Variants in USP28 observed in about 807,000 individuals in gnomAD.
USP28 encodes ubiquitin specific peptidase 28.
A neutral mutation model predicts 145.0 loss-of-function variants in USP28; 113 were observed. That is an observed-to-expected ratio of 0.78 (90% CI 0.67 to 0.91). The LOEUF (loss-of-function observed/expected upper bound fraction) is 0.91. USP28 is among the 40% of genes least tolerant of loss of function. The probability of loss-of-function intolerance (pLI) is 0.00; values close to 1 mark genes in which losing one functional copy is unlikely to be tolerated. For synonymous variants in USP28, 447 were observed against 450.9 expected (o/e 0.99, Z 0.11); for missense variants, 1,201 against 1,289.6 (o/e 0.93, Z 1.05).
At chr11:113,848,378 T>A (rs148723994) in intron 3 of USP28, among the ~76,000 whole-genome samples, 1 of 152,228 alleles carries the variant, frequency 6.6e-6, no homozygotes, top group African/African-American at 2.4e-5. Flanking sequence ...GGGGCAATGT[T>A]GAGGCAGGTT....
At chr11:113,828,357 G>T (rs780567594) in intron 10 of USP28, among the ~76,000 whole-genome samples, 56 of 152,214 alleles carry the variant, frequency 3.7e-4, no homozygotes, top group Non-Finnish European at 7.5e-4. Context: ...GGATGCACCA[G>T]GTTTGCACAG....
intron 1 of USP28, among the ~76,000 whole-genome samples, chr11:113,858,136 G>C (rs1947267808): frequency 6.6e-6 from 1 of 152,154 alleles, no homozygotes; most frequent in Non-Finnish European, 1.5e-5. Context: ...AAAGTACTGG[G>C]GTTACAGGCG....
chr11:113,823,566 T>C (rs774829557), intron 12 of USP28, 39 bp downstream of exon 12: 2 of 1,372,184 alleles, frequency 1.5e-6, no homozygotes, highest in Admixed American at 2.0e-5. Context: ...TTTTTAATAT[T>C]CTTTTACATT....
chr11:113,870,294 A>C (rs1019002617), intron 1 of USP28, among the ~76,000 whole-genome samples: 1 of 152,242 alleles, frequency 6.6e-6, no homozygotes, highest in Non-Finnish European at 1.5e-5. Flanking sequence ...TGGGAGGCCA[A>C]GGCAGGAGGA....
intron 3 of USP28, among the ~76,000 whole-genome samples, chr11:113,842,512 G>A (rs1345437550): frequency 6.6e-6 from 1 of 151,690 alleles, no homozygotes. Flanking sequence ...GTAAACCCGG[G>A]AGGTGGAGCT....
In USP28 at chr11:113,804,876, A is replaced by T; in HGVS notation, c.2571T>A (p.Tyr857Ter). Residue 857 changes from tyrosine (Y) to a stop codon, truncating the protein, a stop_gained, in exon 20 of 25, where the codon TAT becomes TAA. Transcript: ENST00000003302. LOFTEE classifies it high-confidence loss of function. ...GAATATTCTCTTCTCACCTTTCATCATAGCTAAGATTTTTATCTGCAAACT... is the reference window on the plus strand; with the variant it reads ...GAATATTCTCTTCTCACCTTTCATCTTAGCTAAGATTTTTATCTGCAAACT... The T allele has an allele frequency of 6.2e-7, 1 of 1,614,116 alleles. No homozygotes were observed. Among genetic ancestry groups the T allele is most frequent in the African/African-American group, 1.3e-5 (1 of 75,050 alleles).
At chr11:113,802,180 G>A (rs1403203678) in intron 23 of USP28, among the ~76,000 whole-genome samples, 1 of 152,108 alleles carries the variant, frequency 6.6e-6, no homozygotes, top group Non-Finnish European at 1.5e-5. Context: ...CCCTATAATT[G>A]CATTACTTCA....
intron 1 of USP28, among the ~76,000 whole-genome samples, chr11:113,862,602 C>T (rs1051848027): frequency 1.3e-4 from 20 of 152,018 alleles, no homozygotes; most frequent in African/African-American, 3.6e-4. Flanking sequence ...CGAACTGTGA[C>T]GAGAGAGGCA....
At chr11:113,846,600 AAG>A (rs1945877549) in intron 3 of USP28, among the ~76,000 whole-genome samples, 2 of 152,242 alleles carry the variant, frequency 1.3e-5, no homozygotes, top group African/African-American at 4.8e-5. Context: ...CTCTACATTT[AAG>A]AATGGATAAA....
chr11:113,866,128 C>T (rs910477939), intron 1 of USP28, among the ~76,000 whole-genome samples: 7 of 152,090 alleles, frequency 4.6e-5, no homozygotes, highest in Admixed American at 2.6e-4. Flanking sequence ...ACCATCTCCA[C>T]TAAAAATACA....
chr11:113,803,233 A>G (rs2135147918), exon 23 of USP28: 2 of 1,614,124 alleles, frequency 1.2e-6, no homozygotes, highest in Non-Finnish European at 1.7e-6. Context: ...TCAGCAGGGC[A>G]GCATTGCTCT....
chr11:113,872,598 C>T (rs143976162), intron 1 of USP28, among the ~76,000 whole-genome samples: 5 of 151,776 alleles, frequency 3.3e-5, no homozygotes, highest in East Asian at 1.9e-4. Context: ...CAAAAGGAAA[C>T]GAAAGGTCAA....
In USP28 at chr11:113,804,670, T is replaced by TAC; in HGVS notation, c.2658+1_2658+2dup. The TAC allele has an allele frequency of 6.2e-7, 1 of 1,608,952 alleles. No individual in the cohort carries two copies. Among genetic ancestry groups the TAC allele is most frequent in the South Asian group, 1.1e-5 (1 of 90,446 alleles). On this transcript the variant is annotated splice_region_variant and intron_variant, in intron 21 of 24. Transcript: ENST00000003302. ...CTCTATAGACTTAAAGAAAACACTTTACCTTGTACTCTTCCATATTCATGT... is the reference window on the plus strand; with the variant it reads ...CTCTATAGACTTAAAGAAAACACTTTACACCTTGTACTCTTCCATATTCATGT...
At chr11:113,857,671 G>A (rs920060153) in intron 1 of USP28, among the ~76,000 whole-genome samples, 3 of 152,142 alleles carry the variant, frequency 2.0e-5, no homozygotes, top group African/African-American at 7.2e-5. Flanking sequence ...AGAGATCTCA[G>A]AATGCCAAAT....
chr11:113,854,412 A>C, intron 1 of USP28, 77 bp from the exon 2 acceptor site: 1 of 1,407,346 alleles, frequency 7.1e-7, no homozygotes, highest in Non-Finnish European at 9.9e-7. Context: ...AATAACTAAA[A>C]GCATCTTGGA....
intron 1 of USP28, chr11:113,874,645 GGT>G (rs891287500): frequency 1.7e-4 from 213 of 1,278,638 alleles, no homozygotes; most frequent in Non-Finnish European, 5.1e-5. Flanking sequence ...GTGAGGAGGT[GGT>G]GTTAAGTTAT....
At chr11:113,848,932 A>C (rs1946159488) in intron 3 of USP28, among the ~76,000 whole-genome samples, 1 of 152,174 alleles carries the variant, frequency 6.6e-6, no homozygotes, top group Admixed American at 6.5e-5. Context: ...ATGACTCCTG[A>C]GACTTTGGAC....
intron 5 of USP28, among the ~76,000 whole-genome samples, chr11:113,837,022 C>T (rs79893157): frequency 0.11 from 16,296 of 152,222 alleles, 914 homozygotes; most frequent in Middle Eastern, 0.17. Flanking sequence ...TCATCCCCTT[C>T]CCCACCACAG....
chr11:113,874,812 T>C lies in USP28; in HGVS notation c.57+633A>G, dbSNP rs192840815. ...ATATTGATTTCAATCTTCTTAGACA[T>C]TGGGAACAGGAGATCATCATCAGTA... On this transcript the variant is annotated intron_variant, in intron 1 of 24. Transcript: ENST00000003302. 1.1e-4 allele frequency: 121 copies of C among 1,077,772 alleles called. 3 individuals carry two copies. The Admixed American group carries it at 5.1e-3, about 45-fold the overall frequency. The allele number at this position is 1,077,772 out of a possible 1,614,324, so 66.8% of individuals were successfully genotyped here. A position where few individuals can be genotyped will look rare whatever the true frequency, so the allele number is the denominator to read the frequency against.
Sources: allele counts gnomAD v4.1 joint callset (sites outside exome capture counted in the v4.1 genomes callset), GRCh38; gene constraint gnomAD v4.1.1; transcripts MANE v1.5; gene names NCBI Gene and HGNC (gene_info 2026-07-23, HGNC 2026-07-21).